The following RIT2 variants were observed in gnomAD, a reference collection of about 807,000 sequenced individuals.
The protein encoded by RIT2 is Ras like without CAAX 2.
In RIT2, 24 loss-of-function variants were observed where a neutral mutation model predicts 23.7. That is an observed-to-expected ratio of 1.01 (90% CI 0.73 to 1.43). The LOEUF (loss-of-function observed/expected upper bound fraction) is 1.43. Ranked by LOEUF, RIT2 falls within the 40% of genes most tolerant of loss-of-function variation. The probability of loss-of-function intolerance (pLI) is 0.00; values close to 1 mark genes in which losing one functional copy is unlikely to be tolerated. For missense variants in RIT2, 236 were observed against 266.9 expected, an observed-to-expected ratio of 0.88 and a Z score of 0.81; for synonymous variants, 107 against 91.1, an observed-to-expected ratio of 1.17 and a Z score of -0.99.
intron 1 of RIT2, among the ~76,000 whole-genome samples, chr18:43,109,287 A>G (rs952846838): frequency 6.6e-6 from 1 of 152,226 alleles, no homozygotes; most frequent in Non-Finnish European, 1.5e-5. Flanking sequence ...GAAACATTCT[A>G]ATAAATTCTG....
rs182366739 is a variant in RIT2 at position 42,995,884 on chromosome 18, C to T, written c.161-21737G>A. ...TACTCCTATTCACCATTCTCAACTA[C>T]TCATACATGCTCTGCTCTTGTTTAC... On this transcript the variant is annotated intron_variant, in intron 2 of 4. Transcript: ENST00000326695. 1.2e-3 allele frequency among the ~76,000 whole-genome samples: 183 copies of T among 152,306 alleles called. 1 individual carries two copies. In the South Asian group the frequency reaches 0.013, roughly 11 times the overall value.
At chr18:42,765,750 A>G (rs933533551) in intron 4 of RIT2, among the ~76,000 whole-genome samples, 27 of 152,222 alleles carry the variant, frequency 1.8e-4, no homozygotes, top group African/African-American at 6.5e-4. Context: ...AATACATAAT[A>G]TGTTTTGACT....
chr18:43,109,603 A>C (rs565184932), intron 1 of RIT2, among the ~76,000 whole-genome samples: 66 of 152,268 alleles, frequency 4.3e-4, no homozygotes, highest in African/African-American at 1.3e-3. Context: ...TTTCTTCTCA[A>C]CTTTCACATC....
At chr18:42,803,403 T>C (rs1905595032) in intron 4 of RIT2, among the ~76,000 whole-genome samples, 1 of 152,200 alleles carries the variant, frequency 6.6e-6, no homozygotes, top group Non-Finnish European at 1.5e-5. Flanking sequence ...CCCGGTTTGA[T>C]TTGATATTGT....
At chr18:42,934,039 GA>G (rs5824459) in intron 3 of RIT2, among the ~76,000 whole-genome samples, 110,485 of 131,110 alleles carry the variant, frequency 0.84, 46,372 homozygotes, top group East Asian at 0.97. Flanking sequence ...AAAAAAAAAA[GA>G]AAAAAAAAAA....
At chr18:42,775,484 C>A (rs1318869145) in intron 4 of RIT2, among the ~76,000 whole-genome samples, 2 of 152,016 alleles carry the variant, frequency 1.3e-5, no homozygotes. Flanking sequence ...ATCACAAGGT[C>A]AGGAGATCGA....
intron 3 of RIT2, among the ~76,000 whole-genome samples, chr18:42,968,100 T>G (rs1002709733): frequency 1.3e-5 from 2 of 152,198 alleles, no homozygotes; most frequent in African/African-American, 4.8e-5. Context: ...TCTTGACATT[T>G]GCTTGGGCTA....
chr18:42,865,924 T>C (rs1338837727), intron 4 of RIT2, among the ~76,000 whole-genome samples: 1 of 152,194 alleles, frequency 6.6e-6, no homozygotes, highest in Non-Finnish European at 1.5e-5. Flanking sequence ...GGAATGTTCT[T>C]TCCACCAATT....
intron 3 of RIT2, among the ~76,000 whole-genome samples, chr18:42,951,904 G>T (rs1464942335): frequency 6.6e-6 from 1 of 152,056 alleles, no homozygotes; most frequent in Non-Finnish European, 1.5e-5. Flanking sequence ...TCACAGTTCC[G>T]CATGGCTAAG....
At chr18:42,910,798 G>T (rs1908750408) in intron 4 of RIT2, among the ~76,000 whole-genome samples, 1 of 152,024 alleles carries the variant, frequency 6.6e-6, no homozygotes, top group Non-Finnish European at 1.5e-5. Flanking sequence ...CCAAACAACG[G>T]AACTTCAAAA....
intron 1 of RIT2, among the ~76,000 whole-genome samples, chr18:43,087,435 CT>C (rs1913312119): frequency 6.6e-6 from 1 of 151,934 alleles, no homozygotes; most frequent in Non-Finnish European, 1.5e-5. Flanking sequence ...ATAGATAATC[CT>C]GGGAGGCACC....
intron 4 of RIT2, among the ~76,000 whole-genome samples, chr18:42,844,349 C>G: frequency 6.6e-6 from 1 of 152,182 alleles, no homozygotes; most frequent in Admixed American, 6.5e-5. Context: ...TTCTGGGTAC[C>G]TGAACTTGGT....
chr18:42,921,129 A>G (rs751518937), intron 4 of RIT2, among the ~76,000 whole-genome samples: 18 of 152,146 alleles, frequency 1.2e-4, no homozygotes, highest in Non-Finnish European at 2.6e-4. Context: ...TTACAAATAC[A>G]CAGAGTGGTT....
At chr18:42,774,905 A>G (rs12953519) in intron 4 of RIT2, among the ~76,000 whole-genome samples, 1 of 152,180 alleles carries the variant, frequency 6.6e-6, no homozygotes, top group African/African-American at 2.4e-5. Context: ...TTTATACACA[A>G]CAGTATGATT....
intron 1 of RIT2, among the ~76,000 whole-genome samples, chr18:43,041,287 T>A (rs1912122943): frequency 6.6e-6 from 1 of 152,150 alleles, no homozygotes; most frequent in Non-Finnish European, 1.5e-5. Context: ...ATAAAAGTAA[T>A]TAGGGATGAA....
intron 2 of RIT2, among the ~76,000 whole-genome samples, chr18:43,026,597 A>G (rs1182433545): frequency 6.8e-6 from 1 of 147,230 alleles, no homozygotes; most frequent in African/African-American, 2.5e-5. Context: ...AGAAAGAAAG[A>G]AAGAAAGAAA....
intron 4 of RIT2, among the ~76,000 whole-genome samples, chr18:42,749,716 A>G (rs1158987300): frequency 6.6e-6 from 1 of 151,872 alleles, no homozygotes; most frequent in East Asian, 1.9e-4. Flanking sequence ...TATTAGGTGA[A>G]GGAATAATTT....
intron 3 of RIT2, among the ~76,000 whole-genome samples, chr18:42,956,326 T>A (rs1909969845): frequency 6.6e-6 from 1 of 152,140 alleles, no homozygotes; most frequent in African/African-American, 2.4e-5. Flanking sequence ...CAGGAATAAG[T>A]GCTGATTGCT....
chr18:42,926,977 T>C (rs140671062), intron 3 of RIT2, among the ~76,000 whole-genome samples: 1 of 151,988 alleles, frequency 6.6e-6, no homozygotes, highest in Non-Finnish European at 1.5e-5. Flanking sequence ...TTGTTAAAGA[T>C]GGATTAGGAC....
Sources: allele counts gnomAD v4.1 joint callset (sites outside exome capture counted in the v4.1 genomes callset), GRCh38; gene constraint gnomAD v4.1.1; transcripts MANE v1.5; gene names NCBI Gene and HGNC (gene_info 2026-07-23, HGNC 2026-07-21).